Variants in GALNT4 observed in about 807,000 individuals in gnomAD.
GALNT4 encodes polypeptide N-acetylgalactosaminyltransferase 4.
GALNT4 carries 23 observed loss-of-function variants against 45.1 expected under a neutral mutation model. The observed-to-expected ratio is 0.51, with a 90% CI of 0.37 to 0.72. The LOEUF (loss-of-function observed/expected upper bound fraction) is 0.72, where lower values mean the gene tolerates loss of function less well. GALNT4 is among the 30% of genes least tolerant of loss of function. The pLI is 0.00. For missense variants in GALNT4, 757 were observed against 709.0 expected (o/e 1.07, Z -0.77); for synonymous variants, 264 against 257.6 (o/e 1.02, Z -0.24).
chr12:89,524,162 T>C lies in GALNT4; in HGVS notation c.388A>G (p.Asn130Asp), dbSNP rs1238673131. ...RMYECKSQKF[N>D]YRTLPTTSVI... ...GAGGTGGTAGGAAGTGTCCTATAGT[T>C]GAACTTCTGGGACTTACACTCATAC... Residue 130 changes from asparagine to aspartate, a missense_variant, in exon 1 of 1, where the codon AAC becomes GAC. Coordinates refer to ENST00000529983, the MANE Select transcript of GALNT4 (RefSeq NM_003774.5). 6.2e-7 allele frequency: 1 copy of C among 1,614,020 alleles called. No individual in the cohort carries two copies. Among genetic ancestry groups the C allele is most frequent in the East Asian group, 2.2e-5 (1 of 44,884 alleles).
chr12:89,524,329 A>G lies in GALNT4; in HGVS notation c.221T>C (p.Leu74Pro), dbSNP rs372511877. 5.8e-5 allele frequency: 93 copies of G among 1,613,966 alleles called. No individual in the cohort carries two copies. Among genetic ancestry groups the G allele is most frequent in the Non-Finnish European group, 6.9e-5 (81 of 1,179,880 alleles). The part of the protein sequence containing the change: ...YKKPPADSRA[L>P]GEWGKASKLQ... ...TTTGCTGGCTTTCCCCCACTCCCCA[A>G]GTGCACGGGAATCTGCAGGGGGCTT... Residue 74 changes from leucine (L) to proline (P), a missense_variant, in exon 1 of 1, where the codon CTT (leucine) becomes CCT (proline). Coordinates refer to ENST00000529983, the MANE Select transcript of GALNT4 (RefSeq NM_003774.5).
chr12:89,524,665 G>C lies in GALNT4; in HGVS notation c.-116C>G. ...CCCAGCAGGTTCTTCCTTTCATGCAGGCGCTAGGCTCCTTTCCAGCCACCC... is the reference window on the plus strand; with the variant it reads ...CCCAGCAGGTTCTTCCTTTCATGCACGCGCTAGGCTCCTTTCCAGCCACCC... On this transcript the variant is annotated 5_prime_UTR_variant, in exon 1 of 1. Coordinates refer to ENST00000529983, the MANE Select transcript of GALNT4 (RefSeq NM_003774.5). 3 of 1,108,088 alleles carry C rather than the reference G, an allele frequency of 2.7e-6. No individual in the cohort carries two copies. The highest frequency in any genetic ancestry group is 3.9e-6 in the Non-Finnish European group (3 of 772,002). 68.6% of individuals were successfully genotyped at this position (1,108,088 alleles called of 1,614,324 possible).
Position 89,522,960 on chromosome 12 carries a change from A to G in GALNT4, c.1590T>C (p.Ile530=). 1 of 1,614,050 alleles carries G rather than the reference A, an allele frequency of 6.2e-7. No individual in the cohort carries two copies. ...KDGFPVPANI[I]WHFKEDGTIF... ...TAGTTCCATCTTCTTTAAAATGCCA[A>G]ATAATGTTTGCTGGTACAGGGAACC... Residue 530 remains isoleucine, a synonymous_variant, in exon 1 of 1, where the codon ATT becomes ATC. Transcript: ENST00000529983.
Position 89,521,401 on chromosome 12 carries a change from C to T in GALNT4, c.*1412G>A. ...TACATGCGTGAGCCACCGCACCCGG[C>T]CTCCCCTCACTTAATTTTTAAAACC... is the stretch of plus-strand genomic sequence containing the variant. On this transcript the variant is annotated 3_prime_UTR_variant, in exon 1 of 1. Coordinates refer to ENST00000529983, the MANE Select transcript of GALNT4 (RefSeq NM_003774.5). 6.6e-6 allele frequency: 1 copy of T among 152,406 alleles called. No individual in the cohort carries two copies. Among genetic ancestry groups the T allele is most frequent in the Non-Finnish European group, 1.5e-5 (1 of 68,132 alleles). The allele number at this position is 152,406 out of a possible 1,614,324, so 9.4% of individuals were successfully genotyped here. A position where few individuals can be genotyped will look rare whatever the true frequency, so the allele number is the denominator to read the frequency against.
In GALNT4 at chr12:89,523,105, C is replaced by T; in HGVS notation, c.1445G>A (p.Gly482Asp). 2 of 1,613,880 alleles carry T rather than the reference C, an allele frequency of 1.2e-6. No individual in the cohort carries two copies. Among genetic ancestry groups the T allele is most frequent in the Non-Finnish European group, 1.7e-6 (2 of 1,179,786 alleles). ...LSLFGCHGQG[G>D]NQFFEYTSNK... ...TGAAGTATATTCAAAGAATTGATTG[C>T]CTCCTTGACCATGGCATCCAAACAG... Residue 482 changes from glycine to aspartate, a missense_variant, in exon 1 of 1, where the codon GGC becomes GAC. Coordinates refer to ENST00000529983, the MANE Select transcript of GALNT4 (RefSeq NM_003774.5).
Position 89,523,556 on chromosome 12 carries a change from C to G in GALNT4, c.994G>C (p.Glu332Gln). ...TCAAGGTTTTCACCTCCCCACACTT[C>G]CATTCCTGTGTCATACGTTCCAAGG... ...QYLGTYDTGMEVWGGENLELS... is the reference protein window; with the variant it reads ...QYLGTYDTGMQVWGGENLELS... Residue 332 changes from glutamate to glutamine, a missense_variant, in exon 1 of 1, where the codon GAA becomes CAA. By Grantham distance (29) the Glu-to-Gln change is conservative. Transcript: ENST00000529983. 1 of 1,598,500 alleles carries G rather than the reference C, an allele frequency of 6.3e-7. No homozygotes were observed. Among genetic ancestry groups the G allele is most frequent in the Non-Finnish European group, 8.5e-7 (1 of 1,173,932 alleles).
chr12:89,522,910 C>T lies in GALNT4; in HGVS notation c.1640G>A (p.Cys547Tyr), dbSNP rs1871010555. ...GTIFHPHSGL[C>Y]LSAYRTPEGR... The stretch of plus-strand genomic sequence containing the variant: ...CTCCGGTGTCCGATAAGCACTAAGA[C>T]ACAGTCCTGAGTGTGGGTGAAAAAT... Residue 547 changes from cysteine to tyrosine, a missense_variant, in exon 1 of 1, where the codon TGT (cysteine) becomes TAT (tyrosine). Coordinates refer to ENST00000529983, the MANE Select transcript of GALNT4 (RefSeq NM_003774.5). The T allele has an allele frequency of 6.2e-7, 1 of 1,614,046 alleles. No homozygotes were observed. The highest frequency in any genetic ancestry group is 1.3e-5 in the African/African-American group (1 of 75,054).
chr12:89,523,466 G>A lies in GALNT4; in HGVS notation c.1084C>T (p.His362Tyr), dbSNP rs1871108976. The part of the protein sequence containing the change: ...LEIHPCSHVG[H>Y]VFPKRAPYAR... ...TATGGTGCCCGCTTGGGGAACACAT[G>A]GCCCACGTGGGAACACGGGTGGATC... is the stretch of plus-strand genomic sequence containing the variant. The change falls in exon 1 of 1, where the codon CAT becomes TAT. Residue 362 changes from histidine (H) to tyrosine (Y), a missense_variant. Coordinates refer to ENST00000529983, the MANE Select transcript of GALNT4 (RefSeq NM_003774.5). 6.2e-7 allele frequency: 1 copy of A among 1,613,854 alleles called. No individual in the cohort carries two copies. The highest frequency in any genetic ancestry group is 2.2e-5 in the East Asian group (1 of 44,874).
Position 89,524,652 on chromosome 12 carries a change from T to C in GALNT4, c.-103A>G. ...AGCTCAGGTACTTCCCAGCAGGTTC[T>C]TCCTTTCATGCAGGCGCTAGGCTCC... is the stretch of plus-strand genomic sequence containing the variant. On this transcript the variant is annotated 5_prime_UTR_variant, in exon 1 of 1. Transcript: ENST00000529983. The C allele has an allele frequency of 8.1e-7, 1 of 1,240,286 alleles. No individual in the cohort carries two copies. Among genetic ancestry groups the C allele is most frequent in the South Asian group, 1.4e-5 (1 of 71,726 alleles). 76.8% of individuals were successfully genotyped at this position (1,240,286 alleles called of 1,614,324 possible).
rs767662952 is a variant in GALNT4, at chr12:89,524,399, C to G, written c.151G>C (p.Asp51His). 1 of 1,614,010 alleles carries G rather than the reference C, an allele frequency of 6.2e-7. No individual in the cohort carries two copies. Among genetic ancestry groups the G allele is most frequent in the Non-Finnish European group, 8.5e-7 (1 of 1,179,896 alleles). Reference sequence around the variant, plus strand: ...AAATCCTCCGTATTTTTCTGGAGGTCTGAGAGCCTTCTTGACCCCAGCTCC... The same window carrying G: ...AAATCCTCCGTATTTTTCTGGAGGTGTGAGAGCCTTCTTGACCCCAGCTCC... ...ARELGSRRLS[D>H]LQKNTEDLSR... The change falls in exon 1 of 1, where the codon GAC becomes CAC. Residue 51 changes from aspartate (D) to histidine (H), a missense_variant. Coordinates refer to ENST00000529983, the MANE Select transcript of GALNT4 (RefSeq NM_003774.5).
At position 89,524,290 on chromosome 12, in the gene GALNT4, T is replaced by G; in HGVS notation, c.260A>C (p.Glu87Ala). The G allele has an allele frequency of 6.2e-7, 1 of 1,614,042 alleles. No homozygotes were observed. The highest frequency in any genetic ancestry group is 1.1e-5 in the South Asian group (1 of 91,084). The change falls in exon 1 of 1, where the codon GAG becomes GCG. Residue 87 changes from glutamate (E) to alanine (A), a missense_variant. Physicochemically the swap from Glu to Ala is moderately radical, Grantham distance 107. Transcript: ENST00000529983. ...TTCTTCTTGCTGCTTCAGTTCATCC[T>G]CGTTGAGCTGGAGTTTGCTGGCTTT... ...WGKASKLQLN[E>A]DELKQQEELI... is the part of the protein sequence containing the mutation.
Position 89,524,672 on chromosome 12 carries a change from G to A in GALNT4, c.-123C>T. ...GGTTCTTCCTTTCATGCAGGCGCTA[G>A]GCTCCTTTCCAGCCACCCAGGCTTT... On this transcript the variant is annotated 5_prime_UTR_variant, in exon 1 of 1. Transcript: ENST00000529983. 9.4e-7 allele frequency: 1 copy of A among 1,063,134 alleles called. No homozygotes were observed. Among genetic ancestry groups the A allele is most frequent in the South Asian group, 1.6e-5 (1 of 62,620 alleles). 65.9% of individuals were successfully genotyped at this position (1,063,134 alleles called of 1,614,324 possible). A position where few individuals can be genotyped will look rare whatever the true frequency, so the allele number is the denominator to read the frequency against.
Position 89,522,670 on chromosome 12 carries a change from A to C in GALNT4, c.*143T>G. ...TACCCAGTTTCAGTGTGATATACCA[A>C]AATGAACCCCAGCTTTCCAGTGCTC... is the stretch of plus-strand genomic sequence containing the variant. On this transcript the variant is annotated 3_prime_UTR_variant, in exon 1 of 1. Coordinates refer to ENST00000529983, the MANE Select transcript of GALNT4 (RefSeq NM_003774.5). 9.0e-7 allele frequency: 1 copy of C among 1,112,144 alleles called. No homozygotes were observed. Among genetic ancestry groups the C allele is most frequent in the South Asian group, 2.1e-5 (1 of 46,818 alleles). The allele number at this position is 1,112,144 out of a possible 1,614,324, so 68.9% of individuals were successfully genotyped here. A position where few individuals can be genotyped will look rare whatever the true frequency, so the allele number is the denominator to read the frequency against.
In GALNT4 at chr12:89,521,077, T is replaced by A. The variant is rs752365691; in HGVS notation, c.*1736A>T. 3 of 151,914 alleles carry A rather than the reference T, an allele frequency of 2.0e-5. No homozygotes were observed. Among genetic ancestry groups the A allele is most frequent in the Non-Finnish European group, 1.5e-5 (1 of 68,014 alleles). The allele number at this position is 151,914 out of a possible 1,614,324, so 9.4% of individuals were successfully genotyped here. A position where few individuals can be genotyped will look rare whatever the true frequency, so the allele number is the denominator to read the frequency against. On this transcript the variant is annotated 3_prime_UTR_variant, in exon 1 of 1. Coordinates refer to ENST00000529983, the MANE Select transcript of GALNT4 (RefSeq NM_003774.5). ...TCTTAACCCACAGAAGTAAACCACT[T>A]CAGGTGAGTTCAGCTCACTTATTTT...
Position 89,523,019 on chromosome 12 carries a change from T to G in GALNT4, c.1531A>C (p.Asn511His). The G allele has an allele frequency of 6.2e-7, 1 of 1,613,848 alleles. No individual in the cohort carries two copies. Among genetic ancestry groups the G allele is most frequent in the South Asian group, 1.1e-5 (1 of 91,050 alleles). Reference protein sequence around the residue: ...ELCAEVPEQKNYVGMQNCPKD... With the variant: ...ELCAEVPEQKHYVGMQNCPKD... Reference sequence around the variant, plus strand: ...GGACAATTTTGCATTCCCACATAATTTTTTTGCTCAGGTACCTCTGCACAT... The same window carrying G: ...GGACAATTTTGCATTCCCACATAATGTTTTTGCTCAGGTACCTCTGCACAT... Residue 511 changes from asparagine to histidine, a missense_variant, in exon 1 of 1, where the codon AAT (asparagine) becomes CAT (histidine). Transcript: ENST00000529983.
At position 89,522,775 on chromosome 12, in the gene GALNT4, A is replaced by G; in HGVS notation, c.*38T>C. The G allele has an allele frequency of 6.6e-7, 1 of 1,526,368 alleles. No individual in the cohort carries two copies. The highest frequency in any genetic ancestry group is 2.3e-5 in the East Asian group (1 of 44,162). The allele number at this position is 1,526,368 out of a possible 1,614,324, so 94.6% of individuals were successfully genotyped here. ...CTCTTAAGGCTCTTTGACTTTCTTG[A>G]CACTACTGTCAGCTCATGACGAAAG... On this transcript the variant is annotated 3_prime_UTR_variant, in exon 1 of 1. Transcript: ENST00000529983.
chr12:89,521,887 C>T lies in GALNT4; in HGVS notation c.*926G>A. 2.5e-6 allele frequency: 1 copy of T among 397,980 alleles called. No homozygotes were observed. The highest frequency in any genetic ancestry group is 2.1e-5 in the African/African-American group (1 of 48,752). The allele number at this position is 397,980 out of a possible 1,614,324, so 24.7% of individuals were successfully genotyped here. A position where few individuals can be genotyped will look rare whatever the true frequency, so the allele number is the denominator to read the frequency against. ...CACAGCCTTGGTAGAACCTAGCCCA[C>T]TTTCAGTTTCACACATTTTAATAAA... On this transcript the variant is annotated 3_prime_UTR_variant, in exon 1 of 1. Coordinates refer to ENST00000529983, the MANE Select transcript of GALNT4 (RefSeq NM_003774.5).
chr12:89,522,552 A>C lies in GALNT4; in HGVS notation c.*261T>G, dbSNP rs1870973692. The C allele has an allele frequency of 5.5e-6, 2 of 366,958 alleles. No individual in the cohort carries two copies. Among genetic ancestry groups the C allele is most frequent in the Non-Finnish European group, 9.6e-6 (2 of 208,506 alleles). The allele number at this position is 366,958 out of a possible 1,614,324, so 22.7% of individuals were successfully genotyped here. On this transcript the variant is annotated 3_prime_UTR_variant, in exon 1 of 1. Coordinates refer to ENST00000529983, the MANE Select transcript of GALNT4 (RefSeq NM_003774.5). The stretch of plus-strand genomic sequence containing the variant: ...TTTTGTGTGTTTCAATTCATAGTCA[A>C]CTTCTTTTAAGAAGAGACCATATTG...
At position 89,523,917 on chromosome 12, in the gene GALNT4, A is replaced by AC; in HGVS notation, c.632dup (p.Leu212SerfsTer20). 1 of 1,602,736 alleles carries AC rather than the reference A, an allele frequency of 6.2e-7. No individual in the cohort carries two copies. Among genetic ancestry groups the AC allele is most frequent in the Non-Finnish European group, 8.5e-7 (1 of 1,175,674 alleles). The stretch of plus-strand genomic sequence containing the variant: ...CAGTGGCGAAAGTGGCCCCAATCAG[A>AC]CGGGCCCTAACCAGCCCCTCTCGCT... On this transcript the variant is annotated frameshift_variant, in exon 1 of 1. Transcript: ENST00000529983. LOFTEE classifies it high-confidence loss of function.
Sources: allele counts gnomAD v4.1 joint callset, GRCh38; gene constraint gnomAD v4.1.1; transcripts MANE v1.5; gene names NCBI Gene and HGNC (gene_info 2026-07-23, HGNC 2026-07-21).